The following RAD17 variants were observed in gnomAD, a reference collection of about 807,000 sequenced individuals.
RAD17 encodes RAD17 checkpoint clamp loader component.
Under a neutral mutation model 81.5 loss-of-function variants are expected in RAD17, and 31 were observed. That is an observed-to-expected ratio of 0.38 (90% CI 0.29 to 0.51). The LOEUF (loss-of-function observed/expected upper bound fraction) is 0.51, where lower values mean the gene tolerates loss of function less well. RAD17 is among the 20% of genes least tolerant of loss of function. RAD17 has a pLI of 0.88. For missense variants in RAD17, 681 were observed against 781.2 expected (o/e 0.87, Z 1.53); for synonymous variants, 261 against 266.2 (o/e 0.98, Z 0.19).
rs200068737 is a variant in RAD17, at chr5:69,396,409, C to T, written c.1435C>T (p.Leu479Phe). 2.5e-6 allele frequency: 4 copies of T among 1,611,134 alleles called. No homozygotes were observed. Among genetic ancestry groups the T allele is most frequent in the Middle Eastern group, 1.7e-4 (1 of 6,040 alleles). ...LSGDWNTRSL[L>F]REYSTSIATR... ...TCTCATTTGTTAGACACGCTCTTTA[C>T]TCAGGGAATATAGCACATCTATAGC... Residue 479 changes from leucine (L) to phenylalanine (F), a missense_variant, in exon 16 of 19, where the codon CTC (leucine) becomes TTC (phenylalanine). By Grantham distance (22) the Leu-to-Phe change is conservative. Coordinates refer to ENST00000354868, the MANE Select transcript of RAD17 (RefSeq NM_133338.3).
intron 17 of RAD17, among the ~76,000 whole-genome samples, chr5:69,405,732 G>T (rs1436433824): frequency 6.6e-6 from 1 of 150,546 alleles, no homozygotes; most frequent in Non-Finnish European, 1.5e-5. Flanking sequence ...CCCACTACTG[G>T]ACATATATCC....
At chr5:69,372,575 A>G (rs189009261) in intron 4 of RAD17, among the ~76,000 whole-genome samples, 18 of 152,104 alleles carry the variant, frequency 1.2e-4, no homozygotes, top group African/African-American at 4.3e-4. Flanking sequence ...TCTAATTTCT[A>G]ATTATTTGTA....
intron 17 of RAD17, among the ~76,000 whole-genome samples, chr5:69,406,353 A>G (rs1424205990): frequency 6.6e-6 from 1 of 152,212 alleles, no homozygotes; most frequent in African/African-American, 2.4e-5. Context: ...TCATAATAGT[A>G]GAGCACAGAA....
chr5:69,392,109 T>A (rs1042463080), intron 13 of RAD17, 96 bp downstream of exon 13: 1 of 1,130,434 alleles, frequency 8.8e-7, no homozygotes. Context: ...TGTATTTTGG[T>A]TCTGCTCTAA....
intron 17 of RAD17, among the ~76,000 whole-genome samples, chr5:69,406,578 T>G (rs999354744): frequency 2.6e-4 from 39 of 152,288 alleles, no homozygotes; most frequent in African/African-American, 7.7e-4. Context: ...CACGGCTCAC[T>G]GCAGCCTAAA....
At chr5:69,390,701 T>C (rs1270635436) in intron 12 of RAD17, among the ~76,000 whole-genome samples, 1 of 151,536 alleles carries the variant, frequency 6.6e-6, no homozygotes, top group Non-Finnish European at 1.5e-5. Flanking sequence ...TCGCCTGTTA[T>C]CCCAACACTA....
intron 4 of RAD17, 125 bp from the exon 5 acceptor site, chr5:69,373,705 T>G: frequency 3.6e-6 from 2 of 559,642 alleles, no homozygotes; most frequent in Non-Finnish European, 2.5e-6. Context: ...TTTTTTTTTT[T>G]TTTTTTTTTT....
intron 17 of RAD17, among the ~76,000 whole-genome samples, chr5:69,406,677 AT>A (rs955826712): frequency 2.3e-4 from 34 of 146,704 alleles, no homozygotes; most frequent in Non-Finnish European, 3.5e-4. Flanking sequence ...TAATTTTTGT[AT>A]TTTTTTTTTG....
intron 15 of RAD17, among the ~76,000 whole-genome samples, chr5:69,393,921 T>TTTG (rs2150838165): frequency 6.9e-6 from 1 of 145,890 alleles, no homozygotes; most frequent in Non-Finnish European, 1.5e-5. Context: ...TTTTTTTTTT[T>TTTG]TTTTTTTTTT....
intron 8 of RAD17, among the ~76,000 whole-genome samples, chr5:69,385,617 A>G (rs1259069251): frequency 1.3e-5 from 2 of 152,200 alleles, no homozygotes; most frequent in East Asian, 1.9e-4. Context: ...ATTGTGAGAT[A>G]TATCTTACAT....
At chr5:69,406,458 AC>A (rs1326717095) in intron 17 of RAD17, among the ~76,000 whole-genome samples, 2 of 152,162 alleles carry the variant, frequency 1.3e-5, no homozygotes, top group Non-Finnish European at 2.9e-5. Context: ...ATTCTATTTT[AC>A]AACATGGTGA....
intron 12 of RAD17, among the ~76,000 whole-genome samples, chr5:69,389,799 C>A (rs1278748272): frequency 6.6e-6 from 1 of 152,104 alleles, no homozygotes; most frequent in Non-Finnish European, 1.5e-5. Context: ...TGCCACCACG[C>A]CCAGCTAATT....
At chr5:69,386,562 G>A (rs931944504) in intron 11 of RAD17, 97 bp downstream of exon 11, 7 of 1,265,562 alleles carry the variant, frequency 5.5e-6, no homozygotes, top group African/African-American at 3.1e-5. Context: ...TAATTTTTTA[G>A]AATTAAAACA....
rs111332213 is a variant in RAD17 at position 69,383,539 on chromosome 5, C to T, written c.509-1258C>T. 1.8e-3 allele frequency among the ~76,000 whole-genome samples: 276 copies of T among 151,944 alleles called. 4 individuals are homozygous for T. The highest frequency in any genetic ancestry group is 6.3e-3 in the African/African-American group (259 of 41,422). On this transcript the variant is annotated intron_variant, in intron 7 of 18. Coordinates refer to ENST00000354868, the MANE Select transcript of RAD17 (RefSeq NM_133338.3). ...GATTACAGGCGTCCACCACCATGCC[C>T]GGCTTATTTTTGTATTTTTTAGTAG...
At chr5:69,385,777 G>GA (rs1287398131) in intron 8 of RAD17, among the ~76,000 whole-genome samples, 2 of 152,062 alleles carry the variant, frequency 1.3e-5, no homozygotes, top group Non-Finnish European at 2.9e-5. Flanking sequence ...TTTAAGTATA[G>GA]AAAAACAAAA....
chr5:69,413,513 T>C (rs1766155774), intron 18 of RAD17, among the ~76,000 whole-genome samples: 1 of 152,174 alleles, frequency 6.6e-6, no homozygotes, highest in Non-Finnish European at 1.5e-5. Flanking sequence ...TTTGTTGTTG[T>C]GGTTTGGTTT....
At chr5:69,380,888 C>A (rs1763812794) in intron 6 of RAD17, among the ~76,000 whole-genome samples, 1 of 151,738 alleles carries the variant, frequency 6.6e-6, no homozygotes, top group Non-Finnish European at 1.5e-5. Flanking sequence ...ACCTCAGCCT[C>A]CTGACCAGCT....
At chr5:69,381,707 A>G (rs1043289604) in intron 6 of RAD17, among the ~76,000 whole-genome samples, 194 bp from the exon 7 acceptor site, 3 of 152,152 alleles carry the variant, frequency 2.0e-5, no homozygotes, top group African/African-American at 7.2e-5. Flanking sequence ...AAAGGGGGGA[A>G]AAAGGCAATT....
intron 3 of RAD17, 43 bp downstream of exon 3, chr5:69,371,600 A>T (rs769526740): frequency 8.7e-7 from 1 of 1,152,930 alleles, no homozygotes; most frequent in Non-Finnish European, 1.2e-6. Flanking sequence ...GCCTTAAAAT[A>T]ATTATAAATT....
Sources: allele counts gnomAD v4.1 joint callset (sites outside exome capture counted in the v4.1 genomes callset), GRCh38; gene constraint gnomAD v4.1.1; transcripts MANE v1.5; gene names NCBI Gene and HGNC (gene_info 2026-07-23, HGNC 2026-07-21).